Variants in SRPK2 observed in about 807,000 individuals in gnomAD.
SRPK2 encodes the protein SRSF protein kinase 2.
Under a neutral mutation model 90.8 loss-of-function variants are expected in SRPK2, and 21 were observed. That is an observed-to-expected ratio of 0.23 (90% confidence interval 0.16 to 0.33). SRPK2 has a LOEUF of 0.33. Among genes scored for constraint, SRPK2 ranks in the 10% least tolerant of loss-of-function variants. The pLI is 1.00. For synonymous variants in SRPK2, 288 were observed against 311.1 expected, an observed-to-expected ratio of 0.93 and a Z score of 0.78; for missense variants, 620 against 869.0, an observed-to-expected ratio of 0.71 and a Z score of 3.60.
At chr7:105,243,485 G>A (rs1259268450) in intron 2 of SRPK2, among the ~76,000 whole-genome samples, 3 of 151,874 alleles carry the variant, frequency 2.0e-5, no homozygotes, top group Non-Finnish European at 2.9e-5. Flanking sequence ...TAGTCTGGCC[G>A]ACATGGTGAA....
chr7:105,277,130 G>A (rs1806620029), intron 2 of SRPK2, among the ~76,000 whole-genome samples: 1 of 151,972 alleles, frequency 6.6e-6, no homozygotes, highest in African/African-American at 2.4e-5. Context: ...AGGCTGGAGT[G>A]CAGTGGCGTG....
At chr7:105,391,766 G>A (rs1254710911), upstream of SRPK2, among the ~76,000 whole-genome samples, 10 of 152,114 alleles carry the variant, frequency 6.6e-5, no homozygotes, top group African/African-American at 2.4e-4. Context: ...ATTTCTGGTG[G>A]GAATGTAAAA....
chr7:105,348,068 CTTTTTT>C (rs770159031), intron 2 of SRPK2, among the ~76,000 whole-genome samples: 18 of 80,998 alleles, frequency 2.2e-4, no homozygotes, highest in African/African-American at 8.5e-4. Flanking sequence ...GCTTGGCAAA[CTTTTTT>C]TTTTTTTTTT....
At chr7:105,195,559 G>C (rs1474501097) in intron 3 of SRPK2, among the ~76,000 whole-genome samples, 1 of 152,094 alleles carries the variant, frequency 6.6e-6, no homozygotes, top group Non-Finnish European at 1.5e-5. Flanking sequence ...TCAATTTTTA[G>C]TTTCCCCATT....
At chr7:105,387,210 T>C (rs1480566093) in intron 2 of SRPK2, among the ~76,000 whole-genome samples, 1 of 152,210 alleles carries the variant, frequency 6.6e-6, no homozygotes, top group African/African-American at 2.4e-5. Flanking sequence ...TATAACAGAC[T>C]ACGTGGAATT....
chr7:105,285,539 T>C (rs1807979223), intron 2 of SRPK2, among the ~76,000 whole-genome samples: 1 of 152,204 alleles, frequency 6.6e-6, no homozygotes, highest in Non-Finnish European at 1.5e-5. Context: ...AATCTCCTGC[T>C]GAAATGTAAT....
Position 105,117,861 on chromosome 7 carries a change from G to T in SRPK2, c.2077C>A (p.Arg693=), listed in dbSNP as rs770972265. 1 of 1,612,960 alleles carries T rather than the reference G, an allele frequency of 6.2e-7. No individual in the cohort carries two copies. The highest frequency in any genetic ancestry group is 1.7e-5 in the Admixed American group (1 of 60,032). ...TGCTAAGAATTCAACCAAGGATGCC[G>T]AAGGCATTCGCCAGCTGAGGCTCGT... ...EKRASAGECL[R]HPWLNS The change falls in exon 16 of 16, where the codon CGG becomes AGG. Residue 693 remains arginine (R), a synonymous_variant. Coordinates refer to ENST00000393651, the MANE Select transcript of SRPK2 (RefSeq NM_182692.3).
chr7:105,320,889 G>A lies in SRPK2; in HGVS notation c.71+67759C>T, dbSNP rs550528045. ...GCTCTGTTGCCCAGGCTGGAATGGC[G>A]GTGTGATCATAGCTCACTGTTGCCC... On this transcript the variant is annotated intron_variant, in intron 2 of 15. Coordinates refer to ENST00000393651, the MANE Select transcript of SRPK2 (RefSeq NM_182692.3). Among the ~76,000 whole-genome samples the A allele has an allele frequency of 1.2e-4, 18 of 152,188 alleles. No individual in the cohort carries two copies. In the South Asian group the frequency reaches 1.9e-3, roughly 16 times the overall value.
intron 2 of SRPK2, among the ~76,000 whole-genome samples, chr7:105,356,291 A>C (rs773150217): frequency 2.6e-5 from 4 of 152,160 alleles, no homozygotes; most frequent in Non-Finnish European, 5.9e-5. Context: ...GGCACTAAGT[A>C]AAATAGGCCG....
chr7:105,292,907 A>G (rs1809251815), intron 2 of SRPK2, among the ~76,000 whole-genome samples: 1 of 152,206 alleles, frequency 6.6e-6, no homozygotes, highest in Non-Finnish European at 1.5e-5. Context: ...GCCATAGTAC[A>G]TCTGCTTCTG....
intron 2 of SRPK2, among the ~76,000 whole-genome samples, chr7:105,303,563 T>G (rs370638743): frequency 6.6e-6 from 1 of 152,268 alleles, no homozygotes. Context: ...CTCTTAATTT[T>G]CATATTCTTA....
chr7:105,230,762 A>G (rs1412375520), intron 2 of SRPK2, among the ~76,000 whole-genome samples: 3 of 152,196 alleles, frequency 2.0e-5, no homozygotes, highest in South Asian at 4.1e-4. Context: ...TTAGGAATGA[A>G]TATGATCTCT....
chr7:105,191,263 G>A (rs112817117), intron 3 of SRPK2, among the ~76,000 whole-genome samples: 5 of 152,224 alleles, frequency 3.3e-5, no homozygotes, highest in African/African-American at 1.2e-4. Flanking sequence ...GGGAGACCCC[G>A]TCTCTATCAA....
chr7:105,202,275 T>C (rs1173312080), intron 3 of SRPK2, among the ~76,000 whole-genome samples: 1 of 152,208 alleles, frequency 6.6e-6, no homozygotes, highest in Non-Finnish European at 1.5e-5. Flanking sequence ...ATGATCTATA[T>C]CTACTAGATA....
Position 105,212,576 on chromosome 7 carries a change from A to T in SRPK2, c.72-8791T>A, listed in dbSNP as rs562387140. Among the ~76,000 whole-genome samples the T allele has an allele frequency of 1.1e-3, 161 of 152,362 alleles. 1 individual carries two copies. Among genetic ancestry groups the T allele is most frequent in the African/African-American group, 3.7e-3 (154 of 41,590 alleles). Reference sequence around the variant, plus strand: ...GAATAATCCACAATTCAAAAGAATAAACCACAATGCTAAGAAGCTTGGGCT... The same window carrying T: ...GAATAATCCACAATTCAAAAGAATATACCACAATGCTAAGAAGCTTGGGCT... On this transcript the variant is annotated intron_variant, in intron 2 of 15. Coordinates refer to ENST00000393651, the MANE Select transcript of SRPK2 (RefSeq NM_182692.3).
chr7:105,199,679 G>A (rs1356196590), intron 3 of SRPK2, among the ~76,000 whole-genome samples: 1 of 152,144 alleles, frequency 6.6e-6, no homozygotes, highest in Non-Finnish European at 1.5e-5. Flanking sequence ...GATGGAAAGG[G>A]AGAACACCAG....
chr7:105,124,857 C>T (rs1310367541), intron 15 of SRPK2, among the ~76,000 whole-genome samples: 7 of 151,816 alleles, frequency 4.6e-5, no homozygotes, highest in East Asian at 3.9e-4. Context: ...GCAGGCTGGG[C>T]GCAGTGGCTC....
At chr7:105,301,400 T>G (rs1169455666) in intron 2 of SRPK2, 1 of 631,388 alleles carries the variant, frequency 1.6e-6, no homozygotes, top group Non-Finnish European at 2.8e-6. Context: ...GTGCCAAGAC[T>G]GTGCCGCCCC....
chr7:105,206,100 A>C (rs1585173547), intron 2 of SRPK2: 3 of 469,466 alleles, frequency 6.4e-6, no homozygotes, highest in Admixed American at 2.2e-5. Flanking sequence ...GATGCTTTTC[A>C]CCATCGCTGC....
Sources: allele counts gnomAD v4.1 joint callset (sites outside exome capture counted in the v4.1 genomes callset), GRCh38; gene constraint gnomAD v4.1.1; transcripts MANE v1.5; gene names NCBI Gene and HGNC (gene_info 2026-07-23, HGNC 2026-07-21).